Variants in EYA1 observed in about 807,000 individuals in gnomAD.
The protein encoded by EYA1 is EYA transcriptional coactivator and phosphatase 1, also known as protein phosphatase EYA1.
Under a neutral mutation model 82.0 loss-of-function variants are expected in EYA1, and 16 were observed. The ratio of observed to expected loss-of-function variants is 0.20; its 90% CI spans 0.13 to 0.30. The LOEUF (loss-of-function observed/expected upper bound fraction) is 0.30, where lower values mean the gene tolerates loss of function less well. EYA1 is among the 10% of genes least tolerant of loss of function. The pLI is 1.00. For synonymous variants in EYA1, 261 were observed against 264.4 expected, an observed-to-expected ratio of 0.99 and a Z score of 0.12; for missense variants, 633 against 730.7, an observed-to-expected ratio of 0.87 and a Z score of 1.54.
At chr8:71,395,387 C>T (rs565040025) in intron 2 of EYA1, among the ~76,000 whole-genome samples, 1 of 152,310 alleles carries the variant, frequency 6.6e-6, no homozygotes, top group East Asian at 1.9e-4. Context: ...AAAGGGAATG[C>T]TTCCAGTTTT....
chr8:71,343,365 G>A (rs1825360484), intron 3 of EYA1, among the ~76,000 whole-genome samples: 1 of 152,170 alleles, frequency 6.6e-6, no homozygotes, highest in African/African-American at 2.4e-5. Flanking sequence ...AATCCCCGAT[G>A]TGTCAGTATT....
chr8:71,408,631 A>G (rs1830413030), intron 2 of EYA1, among the ~76,000 whole-genome samples: 1 of 83,334 alleles, frequency 1.2e-5, no homozygotes, highest in Non-Finnish European at 2.4e-5. Flanking sequence ...AAAGAAGGCC[A>G]TTACATAATG....
chr8:71,503,749 C>T (rs1811988559), intron 2 of EYA1, among the ~76,000 whole-genome samples: 1 of 152,210 alleles, frequency 6.6e-6, no homozygotes, highest in African/African-American at 2.4e-5. Flanking sequence ...TTATAAACTA[C>T]TACTTTGCAT....
chr8:71,322,147 TAA>T, intron 5 of EYA1, 50 bp downstream of exon 5: 1 of 1,458,608 alleles, frequency 6.9e-7, no homozygotes, highest in Non-Finnish European at 9.6e-7. Flanking sequence ...TTTAAATAAA[TAA>T]AAGTCTACTC....
At chr8:71,292,001 T>C (rs62506570) in intron 9 of EYA1, among the ~76,000 whole-genome samples, 16,431 of 152,146 alleles carry the variant, frequency 0.11, 965 homozygotes, top group South Asian at 0.21. Flanking sequence ...AGCACAGTAA[T>C]TGGATTATAG....
intron 3 of EYA1, among the ~76,000 whole-genome samples, chr8:71,351,932 GT>G (rs1826347089): frequency 6.6e-6 from 1 of 152,190 alleles, no homozygotes; most frequent in South Asian, 2.1e-4. Flanking sequence ...CAACAACTGT[GT>G]AAACTAAATG....
chr8:71,540,395 T>C (rs573909773), intron 1 of EYA1, among the ~76,000 whole-genome samples: 87 of 152,304 alleles, frequency 5.7e-4, no homozygotes, highest in Non-Finnish European at 1.1e-3. Flanking sequence ...CTTATCTTAT[T>C]ATTATTTTAG....
chr8:71,491,619 C>T (rs1255534402), intron 2 of EYA1, among the ~76,000 whole-genome samples: 1 of 152,170 alleles, frequency 6.6e-6, no homozygotes, highest in African/African-American at 2.4e-5. Flanking sequence ...CAGAAGAAAC[C>T]AATCCTGCTG....
At position 71,299,028 on chromosome 8, in the gene EYA1, A is replaced by G; in HGVS notation, c.826+19T>C. The G allele has an allele frequency of 2.5e-6, 4 of 1,607,354 alleles. No individual in the cohort carries two copies. Among genetic ancestry groups the G allele is most frequent in the Non-Finnish European group, 3.4e-6 (4 of 1,173,780 alleles). On this transcript the variant is annotated intron_variant, in intron 9 of 17. Transcript: ENST00000340726. ...ATTGAAAATATCACCTGCAGGACTAATAATATTCACATAATTACCTGCTGT... is the reference window on the plus strand; with the variant it reads ...ATTGAAAATATCACCTGCAGGACTAGTAATATTCACATAATTACCTGCTGT...
Position 71,433,413 on chromosome 8 carries a change from A to G in EYA1, c.34-76902T>C, listed in dbSNP as rs548705974. ...ATGATTTTAAATTAAACAGACATAA[A>G]TTCTGCTCTCACAGAGCTTACGTTC... On this transcript the variant is annotated intron_variant, in intron 2 of 18. Transcript: ENST00000643681. Among the ~76,000 whole-genome samples the G allele has an allele frequency of 5.9e-5, 9 of 152,334 alleles. 1 individual carries two copies. Among genetic ancestry groups the G allele is most frequent in the Admixed American group, 5.9e-4 (9 of 15,304 alleles).
chr8:71,452,955 A>T (rs994362449), intron 2 of EYA1, among the ~76,000 whole-genome samples: 1 of 152,226 alleles, frequency 6.6e-6, no homozygotes, highest in African/African-American at 2.4e-5. Flanking sequence ...AAGGCTTCAG[A>T]CAATCAAACT....
chr8:71,396,196 G>A (rs1829601558), intron 2 of EYA1, among the ~76,000 whole-genome samples: 1 of 151,732 alleles, frequency 6.6e-6, no homozygotes, highest in African/African-American at 2.4e-5. Flanking sequence ...TTCTTTATTA[G>A]TCTTTCTAGC....
Position 71,198,193 on chromosome 8 carries a change from T to C in EYA1, c.*1147A>G, listed in dbSNP as rs1030870747. The C allele has an allele frequency of 3.3e-5, 5 of 152,650 alleles. No homozygotes were observed. The highest frequency in any genetic ancestry group is 5.9e-5 in the Non-Finnish European group (4 of 68,046). The allele number at this position is 152,650 out of a possible 1,614,324, so 9.5% of individuals were successfully genotyped here. A position where few individuals can be genotyped will look rare whatever the true frequency, so the allele number is the denominator to read the frequency against. ...TTTTATTAATAAAATATATCTACTA[T>C]CATCTATATTCTTTGTGGGAAGAAG... is the stretch of plus-strand genomic sequence containing the variant. On this transcript the variant is annotated 3_prime_UTR_variant, in exon 18 of 18. Coordinates refer to ENST00000340726, the MANE Select transcript of EYA1 (RefSeq NM_000503.6).
intron 12 of EYA1, among the ~76,000 whole-genome samples, chr8:71,239,638 T>C (rs752369910): frequency 6.6e-6 from 1 of 152,204 alleles, no homozygotes; most frequent in Non-Finnish European, 1.5e-5. Flanking sequence ...AGGTTTGGAC[T>C]GTAATTATCC....
At chr8:71,465,811 T>A (rs562095603) in intron 2 of EYA1, among the ~76,000 whole-genome samples, 1 of 152,164 alleles carries the variant, frequency 6.6e-6, no homozygotes, top group Admixed American at 6.5e-5. Flanking sequence ...TTGTGAAAAG[T>A]TTTTTGAAAT....
chr8:71,274,554 TCA>T (rs1357632578), intron 9 of EYA1, among the ~76,000 whole-genome samples: 1 of 152,176 alleles, frequency 6.6e-6, no homozygotes, highest in Admixed American at 6.5e-5. Context: ...GATGTCACGT[TCA>T]CACCATGCAG....
chr8:71,310,420 C>T (rs942906900), intron 7 of EYA1, among the ~76,000 whole-genome samples: 27 of 152,286 alleles, frequency 1.8e-4, no homozygotes, highest in African/African-American at 4.8e-4. Context: ...TCCCACCCTT[C>T]GTTCTCTGAC....
chr8:71,233,292 C>A (rs183193528), intron 12 of EYA1, among the ~76,000 whole-genome samples: 1 of 151,944 alleles, frequency 6.6e-6, no homozygotes, highest in Non-Finnish European at 1.5e-5. Flanking sequence ...CTGCCGGGTG[C>A]GGTGGCTCAT....
chr8:71,272,293 A>T (rs1816641489), intron 9 of EYA1, among the ~76,000 whole-genome samples: 1 of 152,100 alleles, frequency 6.6e-6, no homozygotes, highest in Non-Finnish European at 1.5e-5. Context: ...CAGCTACAAA[A>T]AGGTTCTGGT....
Sources: allele counts gnomAD v4.1 joint callset (sites outside exome capture counted in the v4.1 genomes callset), GRCh38; gene constraint gnomAD v4.1.1; transcripts MANE v1.5; gene names NCBI Gene and HGNC (gene_info 2026-07-23, HGNC 2026-07-21).